The following GALNT13 variants were observed in gnomAD, a reference collection of about 807,000 sequenced individuals.
The protein encoded by GALNT13 is UDP-GalNAc:polypeptide N-acetylgalactosaminyltransferase 13.
GALNT13 carries 28 observed loss-of-function variants against 64.2 expected under a neutral mutation model. The ratio of observed to expected loss-of-function variants is 0.44; its 90% CI spans 0.32 to 0.60. The LOEUF (loss-of-function observed/expected upper bound fraction) is 0.60. Among genes scored for constraint, GALNT13 ranks in the 20% least tolerant of loss-of-function variants. The pLI is 0.05. For synonymous variants in GALNT13, 214 were observed against 224.6 expected (o/e 0.95, Z 0.42); for missense variants, 577 against 669.8 (o/e 0.86, Z 1.53).
the GALNT13 span, among the ~76,000 whole-genome samples, chr2:153,668,003 A>T: frequency 1.3e-5 from 2 of 152,158 alleles, no homozygotes; most frequent in African/African-American, 2.4e-5. Flanking sequence ...AACCAACAAG[A>T]TCAAAAAGGA....
chr2:153,222,751 C>A, the GALNT13 span, among the ~76,000 whole-genome samples: 1 of 152,178 alleles, frequency 6.6e-6, no homozygotes, highest in Non-Finnish European at 1.5e-5. Flanking sequence ...TGCGCATACC[C>A]GGGCTGTGAC....
chr2:153,852,674 CCA>C, the GALNT13 span, among the ~76,000 whole-genome samples: 1 of 152,118 alleles, frequency 6.6e-6, no homozygotes, highest in East Asian at 1.9e-4. Context: ...ATCAAACATT[CCA>C]CACAACAACA....
At chr2:154,341,531 G>C (rs1005216609) in intron 9 of GALNT13, among the ~76,000 whole-genome samples, 1 of 152,058 alleles carries the variant, frequency 6.6e-6, no homozygotes, top group Non-Finnish European at 1.5e-5. Flanking sequence ...ACATAGGTGG[G>C]ACTGTCATGC....
At chr2:153,657,717 A>T in the GALNT13 span, among the ~76,000 whole-genome samples, 15 of 152,138 alleles carry the variant, frequency 9.9e-5, no homozygotes, top group East Asian at 5.8e-4. Context: ...TTCAAGTTTA[A>T]GTTAACTTCT....
At chr2:153,374,279 A>G in the GALNT13 span, among the ~76,000 whole-genome samples, 1 of 152,212 alleles carries the variant, frequency 6.6e-6, no homozygotes, top group African/African-American at 2.4e-5. Context: ...CATCCAAACA[A>G]GTATGAAGTT....
intron 9 of GALNT13, among the ~76,000 whole-genome samples, chr2:154,363,490 A>G (rs924515270): frequency 2.0e-5 from 3 of 152,198 alleles, no homozygotes; most frequent in African/African-American, 7.2e-5. Context: ...ACCTTTTCTT[A>G]AAAATGCAAT....
rs75306940 is a variant in GALNT13 at position 154,207,941 on chromosome 2, A to G, written c.312-34089A>G. On this transcript the variant is annotated intron_variant, in intron 4 of 12. Coordinates refer to ENST00000392825, the MANE Select transcript of GALNT13 (RefSeq NM_052917.4). ...TGTGGCTTTGGAATAGGACTTTTCAATGTACCCTCTTCAGCATTATCCTGA... is the reference window on the plus strand; with the variant it reads ...TGTGGCTTTGGAATAGGACTTTTCAGTGTACCCTCTTCAGCATTATCCTGA... Among the ~76,000 whole-genome samples the G allele has an allele frequency of 2.4e-3, 363 of 152,326 alleles. 3 individuals carry two copies. Among genetic ancestry groups the G allele is most frequent in the African/African-American group, 8.2e-3 (343 of 41,578 alleles).
At chr2:153,238,788 T>A in the GALNT13 span, among the ~76,000 whole-genome samples, 1 of 152,098 alleles carries the variant, frequency 6.6e-6, no homozygotes, top group Admixed American at 6.6e-5. Flanking sequence ...TTCCTCCAGT[T>A]TTGCTCATTT....
intron 1 of GALNT13, among the ~76,000 whole-genome samples, chr2:153,889,990 A>G (rs1016107451): frequency 1.3e-5 from 2 of 151,648 alleles, no homozygotes; most frequent in Non-Finnish European, 2.9e-5. Flanking sequence ...CTTCCTGTGA[A>G]GTGTCTGCCC....
chr2:153,729,966 C>G, the GALNT13 span, among the ~76,000 whole-genome samples: 1 of 151,790 alleles, frequency 6.6e-6, no homozygotes, highest in Non-Finnish European at 1.5e-5. Context: ...AAAAAAATCC[C>G]ATGTTCGTGG....
intron 9 of GALNT13, among the ~76,000 whole-genome samples, chr2:154,306,893 C>T (rs1178794755): frequency 6.6e-6 from 1 of 152,048 alleles, no homozygotes; most frequent in Non-Finnish European, 1.5e-5. Flanking sequence ...CTGCATGACT[C>T]CTAAACCATA....
At chr2:153,091,065 G>A in the GALNT13 span, among the ~76,000 whole-genome samples, 8 of 151,980 alleles carry the variant, frequency 5.3e-5, no homozygotes, top group South Asian at 2.1e-4. Flanking sequence ...CTCCATTGGC[G>A]GTGTCTCCTG....
the GALNT13 span, among the ~76,000 whole-genome samples, chr2:153,473,272 TATA>T: frequency 6.6e-6 from 1 of 152,108 alleles, no homozygotes; most frequent in Admixed American, 6.5e-5. Context: ...GCTTCTCAAA[TATA>T]ATAATAATCA....
At chr2:153,728,179 C>T in the GALNT13 span, among the ~76,000 whole-genome samples, 1 of 152,028 alleles carries the variant, frequency 6.6e-6, no homozygotes, top group Admixed American at 6.6e-5. Context: ...AATCCTTGCT[C>T]TTCTAGATAC....
chr2:153,159,048 C>T, the GALNT13 span: 1 of 178,468 alleles, frequency 5.6e-6, no homozygotes, highest in South Asian at 1.3e-4. Flanking sequence ...TCACACAGGG[C>T]AGCCATGTCT....
chr2:153,629,345 A>G, the GALNT13 span, among the ~76,000 whole-genome samples: 1 of 151,910 alleles, frequency 6.6e-6, no homozygotes, highest in African/African-American at 2.4e-5. Context: ...ATAACGCCAC[A>G]TATCTACAAC....
At chr2:153,626,384 G>A in the GALNT13 span, among the ~76,000 whole-genome samples, 1 of 152,006 alleles carries the variant, frequency 6.6e-6, no homozygotes, top group Admixed American at 6.6e-5. Flanking sequence ...GTATTTTTCT[G>A]AATATGGGCT....
At position 154,395,988 on chromosome 2, in the gene GALNT13, C is replaced by T. The variant is rs1483229814; in HGVS notation, c.1157-3C>T. 1 of 1,587,398 alleles carries T rather than the reference C, an allele frequency of 6.3e-7. No individual in the cohort carries two copies. The highest frequency in any genetic ancestry group is 1.8e-5 in the Admixed American group (1 of 55,160). ...TGATTTGTGTTTCTCTGAAAAATTC[C>T]AGGTGTTGTCAAAGTGGATTATGGA... On this transcript the variant is annotated splice_polypyrimidine_tract_variant and splice_region_variant and intron_variant, in intron 9 of 12. Coordinates refer to ENST00000392825, the MANE Select transcript of GALNT13 (RefSeq NM_052917.4).
chr2:154,051,972 G>A (rs1699645989), intron 3 of GALNT13, among the ~76,000 whole-genome samples: 1 of 151,976 alleles, frequency 6.6e-6, no homozygotes, highest in Admixed American at 6.6e-5. Context: ...CAAACATAGG[G>A]TGCAAGAAAA....
Sources: allele counts gnomAD v4.1 joint callset (sites outside exome capture counted in the v4.1 genomes callset), GRCh38; gene constraint gnomAD v4.1.1; transcripts MANE v1.5; gene names NCBI Gene and HGNC (gene_info 2026-07-23, HGNC 2026-07-21).